CFAP263: variants seen among roughly 807,000 people sequenced by gnomAD.
CFAP263 encodes cilia- and flagella-associated protein 263.
At chr16:58,253,402 G>A in the CFAP263 span, among the ~76,000 whole-genome samples, 1 of 151,222 alleles carries the variant, frequency 6.6e-6, no homozygotes, top group Admixed American at 6.6e-5. Context: ...AAAAAAAAAA[G>A]AATTCATTTA....
chr16:58,279,830 G>T, the CFAP263 span: 1 of 1,383,304 alleles, frequency 7.2e-7, no homozygotes. Context: ...AAAGTAATCA[G>T]CTCCTTTCTA....
chr16:58,251,387 T>C, the CFAP263 span, among the ~76,000 whole-genome samples: 1 of 152,166 alleles, frequency 6.6e-6, no homozygotes, highest in Non-Finnish European at 1.5e-5. Context: ...ACTAGTTTGT[T>C]TTGTTTTGTT....
At chr16:58,271,999 A>G in the CFAP263 span, among the ~76,000 whole-genome samples, 1 of 151,220 alleles carries the variant, frequency 6.6e-6, no homozygotes. Context: ...ATTTATTTAT[A>G]TCAGTTTCCA....
the CFAP263 span, chr16:58,262,284 T>C: frequency 1.1e-5 from 12 of 1,104,412 alleles, no homozygotes; most frequent in South Asian, 1.3e-4. Flanking sequence ...GACTGAATGA[T>C]GACTGACCTC....
At chr16:58,254,633 C>T in the CFAP263 span, among the ~76,000 whole-genome samples, 7 of 148,786 alleles carry the variant, frequency 4.7e-5, no homozygotes, top group African/African-American at 1.7e-4. Context: ...GAGGTGGAGT[C>T]TCGCTCTGTT....
chr16:58,272,858 C>T, the CFAP263 span, among the ~76,000 whole-genome samples: 2 of 151,938 alleles, frequency 1.3e-5, no homozygotes, highest in Non-Finnish European at 2.9e-5. Context: ...TCCTAGAATC[C>T]ACCATTTCTC....
chr16:58,264,975 A>C, the CFAP263 span, among the ~76,000 whole-genome samples: 1 of 152,158 alleles, frequency 6.6e-6, no homozygotes, highest in Non-Finnish European at 1.5e-5. Context: ...CTCTTCTGTG[A>C]GTTTCATGTG....
chr16:58,256,109 G>C, the CFAP263 span, among the ~76,000 whole-genome samples: 1 of 152,130 alleles, frequency 6.6e-6, no homozygotes, highest in Non-Finnish European at 1.5e-5. Context: ...GTGGGCATTC[G>C]CAGAATCACA....
At chr16:58,262,589 A>C in the CFAP263 span, 1 of 1,516,782 alleles carries the variant, frequency 6.6e-7, no homozygotes, top group Non-Finnish European at 8.9e-7. Context: ...TTCCACACTC[A>C]CCTTTCTGGC....
the CFAP263 span, among the ~76,000 whole-genome samples, chr16:58,250,764 C>CA: frequency 0.27 from 27,579 of 101,534 alleles, 3,193 homozygotes; most frequent in Non-Finnish European, 0.3. Flanking sequence ...GACTAAGTCT[C>CA]AAAAAAAAAA....
the CFAP263 span, among the ~76,000 whole-genome samples, chr16:58,271,763 A>G: frequency 8.8e-4 from 134 of 152,344 alleles, 1 homozygote; most frequent in Non-Finnish European, 1.6e-3. Context: ...TACTGTCAAC[A>G]TGACTCATCA....
At chr16:58,274,955 C>G in the CFAP263 span, among the ~76,000 whole-genome samples, 1 of 152,264 alleles carries the variant, frequency 6.6e-6, no homozygotes, top group Middle Eastern at 3.4e-3. Context: ...GTAGTACTTA[C>G]GTTTTAATGC....
At chr16:58,254,375 C>T in the CFAP263 span, among the ~76,000 whole-genome samples, 204 of 152,224 alleles carry the variant, frequency 1.3e-3, no homozygotes, top group African/African-American at 4.6e-3. Context: ...CAAAAATACA[C>T]GAATGTAGAG....
the CFAP263 span, among the ~76,000 whole-genome samples, chr16:58,264,564 T>G: frequency 2.6e-5 from 4 of 152,318 alleles, no homozygotes; most frequent in East Asian, 7.7e-4. Context: ...GTGCTTCATC[T>G]GGGCAAGATT....
chr16:58,259,999 G>A, the CFAP263 span: 2 of 1,026,884 alleles, frequency 1.9e-6, no homozygotes, highest in African/African-American at 1.6e-5. Context: ...GCTGAATAAG[G>A]TTCCCACCCC....
the CFAP263 span, among the ~76,000 whole-genome samples, chr16:58,259,551 A>C: frequency 6.6e-6 from 1 of 152,228 alleles, no homozygotes; most frequent in Non-Finnish European, 1.5e-5. Flanking sequence ...CCGTGGGAAT[A>C]CAAGACCAAA....
chr16:58,263,819 A>G, the CFAP263 span, among the ~76,000 whole-genome samples: 1 of 152,206 alleles, frequency 6.6e-6, no homozygotes, highest in Non-Finnish European at 1.5e-5. Context: ...CTCTACTAAA[A>G]ATACAAAAAA....
the CFAP263 span, among the ~76,000 whole-genome samples, chr16:58,252,150 C>T: frequency 6.6e-6 from 1 of 152,148 alleles, no homozygotes; most frequent in Non-Finnish European, 1.5e-5. Context: ...GGGAGGATCA[C>T]TTTAGGCCAG....
chr16:58,257,557 CT>C, the CFAP263 span, among the ~76,000 whole-genome samples: 1 of 152,062 alleles, frequency 6.6e-6, no homozygotes, highest in Non-Finnish European at 1.5e-5. Flanking sequence ...CCTCAGCCTC[CT>C]GAGCAGCTGG....
Sources: allele counts gnomAD v4.1 joint callset (sites outside exome capture counted in the v4.1 genomes callset), GRCh38; gene constraint gnomAD v4.1.1; transcripts MANE v1.5; gene names NCBI Gene and HGNC (gene_info 2026-07-23, HGNC 2026-07-21).